RNF180: variants seen among roughly 807,000 people sequenced by gnomAD.
RNF180 encodes E3 ubiquitin-protein ligase RNF180.
Under a neutral mutation model 59.2 loss-of-function variants are expected in RNF180, and 38 were observed. The ratio of observed to expected loss-of-function variants is 0.64; its 90% CI spans 0.50 to 0.84. The LOEUF is 0.84. RNF180 is among the 40% of genes least tolerant of loss of function. The pLI, the probability that RNF180 is intolerant of heterozygous loss-of-function variation, is 0.00. For synonymous variants in RNF180, 262 were observed against 240.3 expected (o/e 1.09, Z -0.84); for missense variants, 705 against 700.9 (o/e 1.01, Z -0.07).
At chr5:64,274,855 T>C (rs1036745753) in intron 5 of RNF180, among the ~76,000 whole-genome samples, 1 of 152,082 alleles carries the variant, frequency 6.6e-6, no homozygotes, top group African/African-American at 2.4e-5. Flanking sequence ...TTAAACCTTT[T>C]ATCTAGCATT....
At chr5:64,193,774 G>T (rs1458020100) in intron 1 of RNF180, among the ~76,000 whole-genome samples, 1 of 152,090 alleles carries the variant, frequency 6.6e-6, no homozygotes, top group Admixed American at 6.6e-5. Context: ...CCCTGTATGG[G>T]CAATGGTGGG....
chr5:64,208,796 T>G (rs2968292), intron 2 of RNF180, among the ~76,000 whole-genome samples: 6,890 of 151,972 alleles, frequency 0.045, 513 homozygotes, highest in African/African-American at 0.15. Context: ...TGTGAGGAGA[T>G]GAAGGTATAC....
intron 5 of RNF180, among the ~76,000 whole-genome samples, chr5:64,246,805 GA>G (rs1345593609): frequency 6.6e-6 from 1 of 151,758 alleles, no homozygotes; most frequent in African/African-American, 2.4e-5. Flanking sequence ...AGACACACAA[GA>G]AAAAAGGAAA....
At chr5:64,210,781 A>G (rs770188292) in intron 2 of RNF180, among the ~76,000 whole-genome samples, 18 of 152,132 alleles carry the variant, frequency 1.2e-4, no homozygotes, top group Non-Finnish European at 2.1e-4. Context: ...TTCTCCTGGT[A>G]TAGGGGATGG....
chr5:64,334,508 T>C (rs143278973), intron 7 of RNF180, among the ~76,000 whole-genome samples: 52 of 152,192 alleles, frequency 3.4e-4, no homozygotes, highest in African/African-American at 7.9e-4. Flanking sequence ...TCAGGAACTG[T>C]ACTCCTCAAT....
chr5:64,231,286 A>G (rs1742088410), intron 5 of RNF180, among the ~76,000 whole-genome samples: 1 of 152,218 alleles, frequency 6.6e-6, no homozygotes. Flanking sequence ...ATTTCAGTCC[A>G]TAGAAATAAT....
chr5:64,331,830 TG>T (rs1744922798), intron 7 of RNF180, among the ~76,000 whole-genome samples: 1 of 152,144 alleles, frequency 6.6e-6, no homozygotes, highest in Admixed American at 6.5e-5. Flanking sequence ...TAGAGATCCC[TG>T]AGCCAGGGCT....
chr5:64,320,824 A>G (rs1744304417), intron 5 of RNF180, among the ~76,000 whole-genome samples: 1 of 152,120 alleles, frequency 6.6e-6, no homozygotes, highest in South Asian at 2.1e-4. Context: ...AGATCATGAG[A>G]TCAGGAGTTC....
intron 1 of RNF180, among the ~76,000 whole-genome samples, chr5:64,186,463 G>C (rs1332535939): frequency 6.6e-6 from 1 of 152,060 alleles, no homozygotes. Flanking sequence ...TTATTTAGAT[G>C]TTTTCCTTTG....
At chr5:64,254,579 G>A (rs541742741) in intron 5 of RNF180, among the ~76,000 whole-genome samples, 8 of 152,198 alleles carry the variant, frequency 5.3e-5, no homozygotes, top group Admixed American at 3.3e-4. Flanking sequence ...ATTGAGTTTT[G>A]TAATGAAGCA....
At chr5:64,350,105 A>C (rs1480398418) in intron 7 of RNF180, among the ~76,000 whole-genome samples, 1 of 152,098 alleles carries the variant, frequency 6.6e-6, no homozygotes, top group Non-Finnish European at 1.5e-5. Flanking sequence ...AATGATCACC[A>C]TTCTAACAGG....
intron 5 of RNF180, among the ~76,000 whole-genome samples, chr5:64,282,621 G>T (rs986579978): frequency 1.3e-5 from 2 of 152,132 alleles, no homozygotes; most frequent in African/African-American, 2.4e-5. Flanking sequence ...CTCTAGGTAT[G>T]ATGTTAGGTT....
intron 7 of RNF180, among the ~76,000 whole-genome samples, chr5:64,331,758 A>G (rs1450728428): frequency 1.3e-5 from 2 of 152,130 alleles, no homozygotes; most frequent in Non-Finnish European, 2.9e-5. Flanking sequence ...CCCCCGCCCC[A>G]TGCTCGCCAC....
chr5:64,197,248 A>T (rs532006913), intron 1 of RNF180, among the ~76,000 whole-genome samples: 3 of 152,340 alleles, frequency 2.0e-5, no homozygotes, highest in Non-Finnish European at 4.4e-5. Context: ...TTCGTTCCTA[A>T]GTATTTTAAA....
chr5:64,212,186 T>G, intron 3 of RNF180, 26 bp downstream of exon 3: 1 of 1,278,102 alleles, frequency 7.8e-7, no homozygotes, highest in Non-Finnish European at 1.1e-6. Flanking sequence ...CTGAGTAAAA[T>G]TAAGAATATA....
At chr5:64,260,134 A>G (rs1043988315) in intron 5 of RNF180, among the ~76,000 whole-genome samples, 3 of 152,224 alleles carry the variant, frequency 2.0e-5, no homozygotes, top group Admixed American at 6.5e-5. Flanking sequence ...TGTAATTTAC[A>G]TATTTATACA....
At chr5:64,282,413 G>A (rs1742059250) in intron 5 of RNF180, among the ~76,000 whole-genome samples, 1 of 152,132 alleles carries the variant, frequency 6.6e-6, no homozygotes. Flanking sequence ...GATTCTAATT[G>A]TGTTTATTGG....
At chr5:64,285,325 C>T (rs1459808448) in intron 5 of RNF180, among the ~76,000 whole-genome samples, 1 of 152,208 alleles carries the variant, frequency 6.6e-6, no homozygotes, top group Non-Finnish European at 1.5e-5. Context: ...CTAGCAGCAG[C>T]AGCAGGTTGT....
chr5:64,190,104 G>A (rs1275024686), intron 1 of RNF180, among the ~76,000 whole-genome samples: 2 of 152,112 alleles, frequency 1.3e-5, no homozygotes, highest in Non-Finnish European at 2.9e-5. Context: ...AGCCTTAGGG[G>A]CAAGGCTGCC....
Sources: allele counts gnomAD v4.1 joint callset (sites outside exome capture counted in the v4.1 genomes callset), GRCh38; gene constraint gnomAD v4.1.1; transcripts MANE v1.5; gene names NCBI Gene and HGNC (gene_info 2026-07-23, HGNC 2026-07-21).